DNAH11: variants seen among roughly 807,000 people sequenced by gnomAD.
DNAH11 encodes the protein axonemal beta dynein heavy chain 11.
DNAH11 carries 442 observed loss-of-function variants against 526.0 expected under a neutral mutation model. The ratio of observed to expected loss-of-function variants is 0.84; its 90% CI spans 0.78 to 0.91. The LOEUF (loss-of-function observed/expected upper bound fraction) is 0.91. Among genes scored for constraint, DNAH11 ranks in the 40% least tolerant of loss-of-function variants. The pLI, the probability that DNAH11 is intolerant of heterozygous loss-of-function variation, is 0.00. For missense variants in DNAH11, 6,989 were observed against 5,448.7 expected (o/e 1.28, Z -8.90); for synonymous variants, 2,461 against 1,935.9 (o/e 1.27, Z -7.12).
At chr7:21,805,402 G>C (rs7788469) in intron 62 of DNAH11, among the ~76,000 whole-genome samples, 20,311 of 151,860 alleles carry the variant, frequency 0.13, 2,019 homozygotes, top group East Asian at 0.28. Flanking sequence ...CATGTCATAG[G>C]CATCACTAGA....
intron 45 of DNAH11, among the ~76,000 whole-genome samples, chr7:21,728,447 CG>C (rs1785235536): frequency 6.6e-6 from 1 of 151,476 alleles, no homozygotes; most frequent in East Asian, 2.0e-4. Flanking sequence ...TTAGTAGAGA[CG>C]GGGTTTCACC....
chr7:21,778,800 C>G (rs1354023556), intron 56 of DNAH11, among the ~76,000 whole-genome samples, 158 bp from the exon 57 acceptor site: 5 of 152,138 alleles, frequency 3.3e-5, no homozygotes, highest in African/African-American at 1.2e-4. Flanking sequence ...AACAATGTGG[C>G]TGCATTTTTG....
At chr7:21,829,846 T>C (rs936983029) in intron 65 of DNAH11, among the ~76,000 whole-genome samples, 4 of 152,248 alleles carry the variant, frequency 2.6e-5, no homozygotes, top group South Asian at 2.1e-4. Flanking sequence ...TCACAGAGAT[T>C]CTTGTTTTCA....
intron 66 of DNAH11, among the ~76,000 whole-genome samples, chr7:21,847,944 T>C (rs564892185): frequency 2.6e-5 from 4 of 152,158 alleles, no homozygotes; most frequent in Non-Finnish European, 4.4e-5. Flanking sequence ...GACGGGCGGA[T>C]CACGAGGTCA....
chr7:21,684,837 G>C (rs1423639738), intron 32 of DNAH11, among the ~76,000 whole-genome samples: 1 of 152,230 alleles, frequency 6.6e-6, no homozygotes, highest in Admixed American at 6.5e-5. Flanking sequence ...TTCTTTGTTA[G>C]TATTCCAATC....
At chr7:21,660,754 T>A (rs1265870104) in intron 30 of DNAH11, among the ~76,000 whole-genome samples, 2 of 152,052 alleles carry the variant, frequency 1.3e-5, no homozygotes, top group African/African-American at 2.4e-5. Context: ...TAGCTATTTA[T>A]ATATAAGTGT....
At chr7:21,848,209 G>C (rs1583768298) in intron 66 of DNAH11, among the ~76,000 whole-genome samples, 1 of 149,578 alleles carries the variant, frequency 6.7e-6, no homozygotes, top group South Asian at 2.1e-4. Context: ...AGGGAGAGTA[G>C]ACCCTTTTAT....
intron 42 of DNAH11, among the ~76,000 whole-genome samples, chr7:21,713,168 A>C (rs2906663): frequency 0.11 from 16,490 of 152,226 alleles, 1,018 homozygotes; most frequent in East Asian, 0.19. Context: ...TTCGAACTGT[A>C]GGAGTCACTG....
chr7:21,561,088 C>T lies in DNAH11; in HGVS notation c.900C>T (p.Val300=), dbSNP rs372914148. Residue 300 remains valine, a synonymous_variant, in exon 5 of 82, where the codon GTC becomes GTT. Coordinates refer to ENST00000409508, the MANE Select transcript of DNAH11 (RefSeq NM_001277115.2). ...CIYDQLQAPV[V]LKMVKILTTK... ...TAACTTAGCTTCAGGCACCTGTTGTCCTCAAAATGGTTAAGATCCTGACAA... is the reference window on the plus strand; with the variant it reads ...TAACTTAGCTTCAGGCACCTGTTGTTCTCAAAATGGTTAAGATCCTGACAA... The T allele has an allele frequency of 6.2e-7, 1 of 1,600,064 alleles. No homozygotes were observed. The highest frequency in any genetic ancestry group is 1.7e-4 in the Middle Eastern group (1 of 6,042).
intron 45 of DNAH11, among the ~76,000 whole-genome samples, chr7:21,728,934 C>T (rs1367098946): frequency 6.6e-6 from 1 of 152,246 alleles, no homozygotes; most frequent in Non-Finnish European, 1.5e-5. Flanking sequence ...ATGGCCCTGC[C>T]TCTGGACACA....
At chr7:21,755,802 T>A (rs542674261) in intron 54 of DNAH11, among the ~76,000 whole-genome samples, 1 of 152,234 alleles carries the variant, frequency 6.6e-6, no homozygotes, top group East Asian at 1.9e-4. Flanking sequence ...TGATCAAGAA[T>A]TTGGTGTATG....
intron 61 of DNAH11, among the ~76,000 whole-genome samples, chr7:21,799,389 GT>G (rs1788865395): frequency 4.0e-5 from 6 of 151,754 alleles, no homozygotes; most frequent in Admixed American, 3.9e-4. Flanking sequence ...CCAGACTGGA[GT>G]GCAATGGCAT....
intron 6 of DNAH11, among the ~76,000 whole-genome samples, chr7:21,566,271 G>A (rs545648323): frequency 4.6e-5 from 7 of 152,186 alleles, no homozygotes; most frequent in African/African-American, 1.7e-4. Context: ...ATAAAATAAT[G>A]TGGCTTCTCT....
intron 12 of DNAH11, among the ~76,000 whole-genome samples, chr7:21,590,505 A>G (rs1028896555): frequency 6.6e-6 from 1 of 152,180 alleles, no homozygotes; most frequent in Non-Finnish European, 1.5e-5. Context: ...ATGCCTAGGA[A>G]GTGGGAAAGT....
intron 20 of DNAH11, among the ~76,000 whole-genome samples, chr7:21,607,017 C>T (rs1785317934): frequency 1.3e-5 from 2 of 152,112 alleles, no homozygotes; most frequent in Admixed American, 1.3e-4. Flanking sequence ...TTGACTCACA[C>T]CATCACAAGG....
At chr7:21,805,021 T>C (rs1372059712) in intron 62 of DNAH11, among the ~76,000 whole-genome samples, 1 of 152,170 alleles carries the variant, frequency 6.6e-6, no homozygotes, top group East Asian at 1.9e-4. Flanking sequence ...GCACGCTCCT[T>C]CTTTGTGCGT....
At chr7:21,765,848 C>T (rs1468706663) in intron 55 of DNAH11, among the ~76,000 whole-genome samples, 2 of 152,216 alleles carry the variant, frequency 1.3e-5, no homozygotes, top group African/African-American at 4.8e-5. Flanking sequence ...GCACACAGCA[C>T]TTGAGTATGT....
At position 21,710,607 on chromosome 7, in the gene DNAH11, A is replaced by T. The variant is rs1410738758; in HGVS notation, c.6738A>T (p.Ala2246=). ...GLFSSILREQ[A]NLKHDGPKWI... ...TCTCATCCATTCTACGAGAACAAGC[A>T]AATCTTAAGCATGATGGACCAAAAT... Residue 2246 remains alanine, a synonymous_variant, in exon 41 of 82, where the codon GCA becomes GCT. Coordinates refer to ENST00000409508, the MANE Select transcript of DNAH11 (RefSeq NM_001277115.2). The T allele has an allele frequency of 1.2e-6, 2 of 1,613,150 alleles. No individual in the cohort carries two copies. The highest frequency in any genetic ancestry group is 1.7e-6 in the Non-Finnish European group (2 of 1,179,498).
rs1782665315 is a variant in DNAH11 at position 21,543,463 on chromosome 7, C to T, written c.218C>T (p.Thr73Met). The T allele has an allele frequency of 1.3e-6, 2 of 1,580,792 alleles. No individual in the cohort carries two copies. Among genetic ancestry groups the T allele is most frequent in the East Asian group, 2.3e-5 (1 of 43,444 alleles). Reference protein sequence around the residue: ...GGRLAMMLGFTEEKWSQYLES... With the variant: ...GGRLAMMLGFMEEKWSQYLES... ...CGCCTGGCGATGATGCTGGGGTTCA[C>T]GGAGGAGAAATGGAGCCAGTATTTG... The change falls in exon 1 of 82, where the codon ACG (threonine) becomes ATG (methionine). Residue 73 changes from threonine to methionine, a missense_variant. Coordinates refer to ENST00000409508, the MANE Select transcript of DNAH11 (RefSeq NM_001277115.2).
Sources: gnomAD v4.1 joint callset for allele counts (sites outside exome capture counted in the v4.1 genomes callset) on GRCh38, gnomAD v4.1.1 for gene constraint, MANE v1.5 for transcripts, NCBI Gene and HGNC (gene_info 2026-07-23, HGNC 2026-07-21) for gene names.